GNA14: variants seen among roughly 807,000 people sequenced by gnomAD.
The protein encoded by GNA14 is G protein subunit alpha 14.
A neutral mutation model predicts 42.0 loss-of-function variants in GNA14; 50 were observed. That is an observed-to-expected ratio of 1.19 (90% CI 0.95 to 1.51). GNA14 has a LOEUF of 1.51. Ranked by LOEUF, GNA14 falls within the 40% of genes most tolerant of loss-of-function variation. GNA14 has a pLI of 0.00. For missense variants in GNA14, 473 were observed against 446.2 expected (o/e 1.06, Z -0.54); for synonymous variants, 173 against 163.1 (o/e 1.06, Z -0.46).
intron 2 of GNA14, among the ~76,000 whole-genome samples, chr9:77,464,191 G>C (rs988850198): frequency 2.6e-5 from 4 of 152,084 alleles, no homozygotes; most frequent in Non-Finnish European, 5.9e-5. Context: ...TGTAGAGATG[G>C]GGTCTTGCCA....
At chr9:77,469,113 C>T (rs529715393) in intron 2 of GNA14, among the ~76,000 whole-genome samples, 6 of 152,160 alleles carry the variant, frequency 3.9e-5, no homozygotes, top group East Asian at 1.9e-4. Flanking sequence ...GATGCTTTAC[C>T]TCCTCATTTC....
intron 1 of GNA14, among the ~76,000 whole-genome samples, chr9:77,545,852 G>C (rs1837713017): frequency 6.6e-6 from 1 of 152,074 alleles, no homozygotes; most frequent in African/African-American, 2.4e-5. Context: ...ATTAGTCTAT[G>C]AGTTCCCTGC....
At chr9:77,432,354 C>A (rs1835570140) in intron 3 of GNA14, among the ~76,000 whole-genome samples, 1 of 152,140 alleles carries the variant, frequency 6.6e-6, no homozygotes, top group Non-Finnish European at 1.5e-5. Context: ...GGCAGCCTTC[C>A]ACAACCCACC....
At chr9:77,639,190 C>T (rs1292295137) in intron 1 of GNA14, among the ~76,000 whole-genome samples, 1 of 152,118 alleles carries the variant, frequency 6.6e-6, no homozygotes, top group African/African-American at 2.4e-5. Flanking sequence ...GGAAGAGTTT[C>T]AAGAAAGGTA....
intron 2 of GNA14, among the ~76,000 whole-genome samples, chr9:77,446,062 C>T (rs1464859059): frequency 6.6e-6 from 1 of 152,110 alleles, no homozygotes; most frequent in East Asian, 1.9e-4. Flanking sequence ...GGGGAAAAGG[C>T]GGGGACTCTG....
At chr9:77,584,579 T>C (rs1410556172) in intron 1 of GNA14, among the ~76,000 whole-genome samples, 2 of 127,376 alleles carry the variant, frequency 1.6e-5, no homozygotes, top group Admixed American at 1.0e-4. Flanking sequence ...AAGCCCAAAC[T>C]CAGATGATGC....
At chr9:77,563,193 G>A (rs1043420498) in intron 1 of GNA14, among the ~76,000 whole-genome samples, 8 of 152,106 alleles carry the variant, frequency 5.3e-5, no homozygotes, top group African/African-American at 1.9e-4. Flanking sequence ...TCAAGCCAGG[G>A]AACACCATCA....
At chr9:77,520,763 T>C (rs1341767789) in intron 2 of GNA14, among the ~76,000 whole-genome samples, 4 of 152,208 alleles carry the variant, frequency 2.6e-5, no homozygotes, top group Admixed American at 2.6e-4. Context: ...TCAAATAGAA[T>C]GATGGCCTCA....
intron 2 of GNA14, among the ~76,000 whole-genome samples, chr9:77,484,901 A>G (rs1587791962): frequency 6.6e-6 from 1 of 152,048 alleles, no homozygotes; most frequent in African/African-American, 2.4e-5. Flanking sequence ...TACTTGAAAA[A>G]TATTTTATTT....
At chr9:77,595,905 A>G (rs1332194259) in intron 1 of GNA14, among the ~76,000 whole-genome samples, 1 of 151,994 alleles carries the variant, frequency 6.6e-6, no homozygotes, top group African/African-American at 2.4e-5. Flanking sequence ...AAAACAAGAT[A>G]TGAGTCCTTT....
chr9:77,529,075 C>G lies in GNA14; in HGVS notation c.303G>C (p.Gln101His), dbSNP rs150152555. 5.8e-5 allele frequency: 94 copies of G among 1,614,014 alleles called. 1 individual carries two copies. In the African/African-American group the frequency reaches 1.1e-3, roughly 19 times the overall value. Residue 101 changes from glutamine (Q) to histidine (H), a missense_variant, in exon 2 of 7, where the codon CAG becomes CAC. Gln to His is a conservative substitution (Grantham distance 24). Coordinates refer to ENST00000341700, the MANE Select transcript of GNA14 (RefSeq NM_004297.4). The part of the protein sequence containing the change: ...DTLRIQYVCE[Q>H]NKENAQIIRE... ...CACTCCCTAAGCACGTTACCTTATT[C>G]TGTTCACACACATACTGTATCCTTA...
rs374682517 is a variant in GNA14, at chr9:77,499,705, C to G, written c.309+29364G>C. Reference sequence around the variant, plus strand: ...TCTCTACTAAAAATACAAAAATTAGCCGGGCATGGTGGCGCGCTCCTGTAG... The same window carrying G: ...TCTCTACTAAAAATACAAAAATTAGGCGGGCATGGTGGCGCGCTCCTGTAG... On this transcript the variant is annotated intron_variant, in intron 2 of 6. Transcript: ENST00000341700. 1.3e-4 allele frequency among the ~76,000 whole-genome samples: 20 copies of G among 152,078 alleles called. No individual in the cohort carries two copies. The East Asian group carries it at 3.3e-3, about 25-fold the overall frequency.
intron 2 of GNA14, among the ~76,000 whole-genome samples, chr9:77,516,264 T>C (rs1379448061): frequency 6.6e-6 from 1 of 152,244 alleles, no homozygotes; most frequent in Non-Finnish European, 1.5e-5. Context: ...ATAACAAATA[T>C]TTATCAAATG....
intron 1 of GNA14, among the ~76,000 whole-genome samples, chr9:77,541,000 G>GT (rs1176356180): frequency 1.3e-5 from 2 of 152,058 alleles, no homozygotes; most frequent in Non-Finnish European, 2.9e-5. Context: ...CATAAAGTTA[G>GT]TTGTTTTCTG....
chr9:77,597,532 C>G (rs1358657249), intron 1 of GNA14, among the ~76,000 whole-genome samples: 1 of 151,870 alleles, frequency 6.6e-6, no homozygotes, highest in Non-Finnish European at 1.5e-5. Context: ...TTTTTCTGAC[C>G]CATTTTCTTC....
At position 77,431,367 on chromosome 9, in the gene GNA14, T is replaced by C. The variant is rs745699154; in HGVS notation, c.547A>G (p.Thr183Ala). Residue 183 changes from threonine to alanine, a missense_variant, in exon 4 of 7, where the codon ACC (threonine) becomes GCC (alanine). Physicochemically the swap from Thr to Ala is moderately conservative, Grantham distance 58 (BLOSUM62 0). Coordinates refer to ENST00000341700, the MANE Select transcript of GNA14 (RefSeq NM_004297.4). ...QDVLRVRVPT[T>A]GIIEYPFDLE... ...TCAAATGGATACTCAATGATGCCGG[T>C]GGTGGGCACTCGGACGCGAAGCACA... 6 of 1,613,602 alleles carry C rather than the reference T, an allele frequency of 3.7e-6. No homozygotes were observed. The highest frequency in any genetic ancestry group is 5.1e-6 in the Non-Finnish European group (6 of 1,179,712).
chr9:77,614,859 G>A (rs541380652), intron 1 of GNA14, among the ~76,000 whole-genome samples: 1 of 152,198 alleles, frequency 6.6e-6, no homozygotes, highest in Admixed American at 6.5e-5. Flanking sequence ...CAGTGAGAAA[G>A]AATCTTTTCC....
chr9:77,521,037 T>C (rs1257212749), intron 2 of GNA14, among the ~76,000 whole-genome samples: 1 of 152,230 alleles, frequency 6.6e-6, no homozygotes, highest in African/African-American at 2.4e-5. Flanking sequence ...TTCCAAACTC[T>C]TATATTTCAA....
intron 2 of GNA14, among the ~76,000 whole-genome samples, chr9:77,505,699 G>A (rs973492866): frequency 2.6e-5 from 4 of 152,186 alleles, no homozygotes; most frequent in Admixed American, 1.3e-4. Flanking sequence ...AAACCAAGAT[G>A]TGGTTTTCCA....
Sources: allele counts gnomAD v4.1 joint callset (sites outside exome capture counted in the v4.1 genomes callset), GRCh38; gene constraint gnomAD v4.1.1; transcripts MANE v1.5; gene names NCBI Gene and HGNC (gene_info 2026-07-23, HGNC 2026-07-21).